The following PTTG1IP2 variants were observed in gnomAD, a reference collection of about 807,000 sequenced individuals.
PTTG1IP2 encodes PTTG1IP family member 2.
intron 1 of PTTG1IP2, chr7:90,470,206 G>A (rs1031882434): frequency 6.6e-6 from 1 of 152,164 alleles, no homozygotes. Context: ...CATGACCTAT[G>A]ACATATAAGC....
intron 6 of PTTG1IP2, among the ~76,000 whole-genome samples, chr7:90,499,118 C>T (rs1798032710): frequency 1.3e-5 from 2 of 152,172 alleles, no homozygotes; most frequent in Non-Finnish European, 2.9e-5. Context: ...TCCCAAAGTG[C>T]TGGAATTACA....
intron 2 of PTTG1IP2, among the ~76,000 whole-genome samples, chr7:90,482,536 G>A (rs541177821): frequency 2.7e-5 from 4 of 147,846 alleles, no homozygotes; most frequent in South Asian, 2.1e-4. Context: ...TAAACATAGC[G>A]TATGAAAAAC....
intron 4 of PTTG1IP2, among the ~76,000 whole-genome samples, chr7:90,490,956 T>A (rs1423184564): frequency 6.6e-6 from 1 of 152,230 alleles, no homozygotes; most frequent in Non-Finnish European, 1.5e-5. Context: ...TCAAGAGATC[T>A]TCTAGACCTT....
At chr7:90,488,024 T>C (rs916366570) in intron 3 of PTTG1IP2, among the ~76,000 whole-genome samples, 3 of 152,154 alleles carry the variant, frequency 2.0e-5, no homozygotes, top group African/African-American at 7.2e-5. Context: ...ATCTTTAAGT[T>C]ATACTGAAAT....
chr7:90,495,944 CTA>C, intron 6 of PTTG1IP2, among the ~76,000 whole-genome samples: 1 of 152,260 alleles, frequency 6.6e-6, no homozygotes, highest in South Asian at 2.1e-4. Flanking sequence ...CTCTCAGTAT[CTA>C]TTAAAATTTG....
chr7:90,509,074 A>C (rs2116132309), intron 6 of PTTG1IP2, among the ~76,000 whole-genome samples: 1 of 151,470 alleles, frequency 6.6e-6, no homozygotes, highest in East Asian at 1.9e-4. Flanking sequence ...TTTAAAGATG[A>C]CATGGAAATA....
rs73217341 is a variant in PTTG1IP2, at chr7:90,486,487, C to A, written c.193-840C>A. 1.9e-4 allele frequency among the ~76,000 whole-genome samples: 13 copies of A among 70,126 alleles called. No individual in the cohort carries two copies. In the South Asian group the frequency reaches 5.2e-3, roughly 28 times the overall value. 46.0% of individuals were successfully genotyped at this position (70,126 alleles called of 152,430 possible). On this transcript the variant is annotated intron_variant, in intron 2 of 6. Transcript: ENST00000509356. ...TCTTCCTTTTTTTTTTTTTTTTTTGCTTTTCCAAGTTCTTCTGGTTTTACC... is the reference window on the plus strand; with the variant it reads ...TCTTCCTTTTTTTTTTTTTTTTTTGATTTTCCAAGTTCTTCTGGTTTTACC...
chr7:90,481,838 C>G (rs977846107), intron 2 of PTTG1IP2, among the ~76,000 whole-genome samples: 2 of 152,064 alleles, frequency 1.3e-5, no homozygotes, highest in African/African-American at 4.8e-5. Flanking sequence ...TCACACATTT[C>G]CCACACATGG....
intron 6 of PTTG1IP2, among the ~76,000 whole-genome samples, chr7:90,496,273 T>G (rs902015971): frequency 6.6e-6 from 1 of 152,208 alleles, no homozygotes; most frequent in African/African-American, 2.4e-5. Context: ...CATGAGATTT[T>G]GGGGTTTTCT....
chr7:90,492,137 A>G (rs1229833991), intron 4 of PTTG1IP2, 102 bp from the exon 5 acceptor site: 3 of 152,206 alleles, frequency 2.0e-5, no homozygotes, highest in African/African-American at 7.2e-5. Context: ...TCTCAAAAAT[A>G]ATAAAAAAAT....
rs1437484021 is a variant in PTTG1IP2, at chr7:90,487,407, G to GT, written c.275dup (p.Leu92PhefsTer4). ...GTTGTCGATTCAGTTCTATATATTG[G>GT]TTAAACTGTAAAGGTGAGTTGTCCT... On this transcript the variant is annotated frameshift_variant, in exon 3 of 7. Coordinates refer to ENST00000509356, the MANE Select transcript of PTTG1IP2 (RefSeq NM_001365443.2). LOFTEE classifies it high-confidence loss of function. The GT allele has an allele frequency of 2.0e-5, 3 of 152,470 alleles. No homozygotes were observed. The highest frequency in any genetic ancestry group is 7.2e-5 in the African/African-American group (3 of 41,400). The allele number at this position is 152,470 out of a possible 1,614,324, so 9.4% of individuals were successfully genotyped here.
At chr7:90,489,858 T>C (rs1797919295) in intron 4 of PTTG1IP2, among the ~76,000 whole-genome samples, 1 of 152,020 alleles carries the variant, frequency 6.6e-6, no homozygotes, top group South Asian at 2.1e-4. Context: ...AAAATCATGC[T>C]ACATTTCAGC....
intron 3 of PTTG1IP2, among the ~76,000 whole-genome samples, chr7:90,488,376 T>G (rs1797900892): frequency 6.6e-6 from 1 of 152,022 alleles, no homozygotes; most frequent in Non-Finnish European, 1.5e-5. Flanking sequence ...CATACCAAGC[T>G]AATAAACTAC....
intron 2 of PTTG1IP2, among the ~76,000 whole-genome samples, chr7:90,485,851 C>T (rs1377145073): frequency 6.6e-6 from 1 of 152,130 alleles, no homozygotes; most frequent in Non-Finnish European, 1.5e-5. Context: ...TAAAACCCTG[C>T]TAGATCTTGG....
chr7:90,478,828 ATTT>A (rs56214708), intron 1 of PTTG1IP2, among the ~76,000 whole-genome samples: 3 of 145,610 alleles, frequency 2.1e-5, no homozygotes, highest in Non-Finnish European at 1.5e-5. Flanking sequence ...TAGGGAATTA[ATTT>A]TTTTTTTTTT....
At chr7:90,502,398 C>T (rs1798070158) in intron 6 of PTTG1IP2, among the ~76,000 whole-genome samples, 2 of 152,372 alleles carry the variant, frequency 1.3e-5, no homozygotes, top group East Asian at 3.9e-4. Flanking sequence ...GATATTTTGA[C>T]ATCCTCCCAT....
At chr7:90,488,719 T>C (rs1333848580) in intron 3 of PTTG1IP2, among the ~76,000 whole-genome samples, 152 bp from the exon 4 acceptor site, 2 of 152,086 alleles carry the variant, frequency 1.3e-5, no homozygotes, top group African/African-American at 4.8e-5. Flanking sequence ...TTAATGGTAG[T>C]TTTATTGGAA....
chr7:90,471,146 A>G (rs1015925215), intron 1 of PTTG1IP2, among the ~76,000 whole-genome samples: 4 of 152,190 alleles, frequency 2.6e-5, no homozygotes, highest in African/African-American at 9.7e-5. Flanking sequence ...GAATGCTTGC[A>G]TCTTAGTCTC....
intron 4 of PTTG1IP2, 109 bp downstream of exon 4, chr7:90,489,073 A>G (rs555518378): frequency 3.2e-4 from 49 of 151,930 alleles, no homozygotes; most frequent in African/African-American, 1.2e-3. Flanking sequence ...AATAAAAATA[A>G]TATATCCACA....
Sources: gnomAD v4.1 joint callset for allele counts (sites outside exome capture counted in the v4.1 genomes callset) on GRCh38, gnomAD v4.1.1 for gene constraint, MANE v1.5 for transcripts, NCBI Gene and HGNC (gene_info 2026-07-23, HGNC 2026-07-21) for gene names.